ANKRD26: variants seen among roughly 807,000 people sequenced by gnomAD.
ANKRD26 encodes the protein ankyrin repeat domain-containing protein 26.
In ANKRD26, 141 loss-of-function variants were observed where a neutral mutation model predicts 208.7. That is an observed-to-expected ratio of 0.68 (90% CI 0.59 to 0.78). The LOEUF (loss-of-function observed/expected upper bound fraction) is 0.78. ANKRD26 is among the 30% of genes least tolerant of loss of function. The pLI is 0.00. For missense variants in ANKRD26, 1,889 were observed against 1,938.7 expected (o/e 0.97, Z 0.48); for synonymous variants, 636 against 660.4 (o/e 0.96, Z 0.57).
intron 16 of ANKRD26, among the ~76,000 whole-genome samples, chr10:27,050,219 C>CAA (rs67384671): frequency 0.015 from 492 of 32,984 alleles, 45 homozygotes; most frequent in East Asian, 0.018. Context: ...GAATCTGTCT[C>CAA]AAAAAAAAAA....
the ANKRD26 span, among the ~76,000 whole-genome samples, chr10:26,962,359 G>A: frequency 6.6e-6 from 1 of 152,158 alleles, no homozygotes; most frequent in Non-Finnish European, 1.5e-5. Context: ...CAGATCACCT[G>A]AGGTCAGGAG....
At chr10:26,984,208 T>C (rs2052350841) in intron 3 of ANKRD26, among the ~76,000 whole-genome samples, 1 of 152,198 alleles carries the variant, frequency 6.6e-6, no homozygotes. Flanking sequence ...CCTAGGATAA[T>C]CATCATAATG....
chr10:27,080,849 T>TG, intron 6 of ANKRD26: 4 of 985,336 alleles, frequency 4.1e-6, no homozygotes, highest in Non-Finnish European at 4.8e-6. Flanking sequence ...CTCCATGATT[T>TG]GGGTTGCTCC....
the ANKRD26 span, among the ~76,000 whole-genome samples, chr10:26,967,527 C>T: frequency 9.5e-6 from 1 of 104,730 alleles, no homozygotes; most frequent in Admixed American, 9.1e-5. Context: ...TCTGATGACA[C>T]TCAATTATCT....
Position 27,022,648 on chromosome 10 carries a change from A to AT in ANKRD26, c.4124dup (p.Asn1375LysfsTer2). On this transcript the variant is annotated frameshift_variant, in exon 29 of 34. Transcript: ENST00000376087. LOFTEE classifies it high-confidence loss of function. ...AACTAAATTCTCCATTTTCATATTC[A>AT]TTTAACTTCTTTCTTGTCATTTTTA... 4 of 1,583,216 alleles carry AT rather than the reference A, an allele frequency of 2.5e-6. No individual in the cohort carries two copies. The highest frequency in any genetic ancestry group is 3.5e-6 in the Non-Finnish European group (4 of 1,156,836).
chr10:27,058,970 A>G (rs986230829), intron 15 of ANKRD26, among the ~76,000 whole-genome samples: 1 of 149,180 alleles, frequency 6.7e-6, no homozygotes, highest in Non-Finnish European at 1.5e-5. Context: ...ACTGGAGTGC[A>G]GTGGTGCAAT....
In ANKRD26 at chr10:27,086,131, C is replaced by G. The variant is rs550110344; in HGVS notation, c.709+408G>C. Among the ~76,000 whole-genome samples, 17 of 152,076 alleles carry G rather than the reference C, an allele frequency of 1.1e-4. No individual in the cohort carries two copies. In the East Asian group the frequency reaches 2.9e-3, roughly 26 times the overall value. On this transcript the variant is annotated intron_variant, in intron 5 of 33. Transcript: ENST00000376087. ...AATATGCACGTTGCTCAAGGGACAA[C>G]TGTAATTAATATTCATTTAATAAAC...
At chr10:27,052,141 T>C (rs2054684443) in intron 16 of ANKRD26, 2 of 982,738 alleles carry the variant, frequency 2.0e-6, no homozygotes, top group Non-Finnish European at 2.4e-6. Flanking sequence ...AAAATAACTT[T>C]ATCCTTGAGT....
At chr10:27,019,019 C>T (rs772944503) in intron 29 of ANKRD26, among the ~76,000 whole-genome samples, 2 of 152,060 alleles carry the variant, frequency 1.3e-5, no homozygotes, top group Non-Finnish European at 2.9e-5. Flanking sequence ...GCTCACTGAG[C>T]CTGTAAATCC....
chr10:27,099,961 C>T lies in ANKRD26; in HGVS notation c.242+124G>A, dbSNP rs2056593673. The T allele has an allele frequency of 6.7e-6, 10 of 1,498,054 alleles. 1 individual carries two copies. In the South Asian group the frequency reaches 6.8e-5, roughly 10 times the overall value. The allele number at this position is 1,498,054 out of a possible 1,614,324, so 92.8% of individuals were successfully genotyped here. Reference sequence around the variant, plus strand: ...GCGCTGGAGCCCTGCAAGGTGTCACCGTCCCAGGGGCTACGGAGCCCGCGG... The same window carrying T: ...GCGCTGGAGCCCTGCAAGGTGTCACTGTCCCAGGGGCTACGGAGCCCGCGG... On this transcript the variant is annotated intron_variant, in intron 1 of 33. Coordinates refer to ENST00000376087, the MANE Select transcript of ANKRD26 (RefSeq NM_014915.3).
chr10:27,078,169 A>T (rs9651377), intron 7 of ANKRD26, among the ~76,000 whole-genome samples: 18,164 of 152,172 alleles, frequency 0.12, 1,350 homozygotes, highest in African/African-American at 0.22. Flanking sequence ...TGGCACTGCA[A>T]ATAGTATAGG....
intron 20 of ANKRD26, 109 bp from the exon 21 acceptor site, chr10:27,040,287 C>T (rs978928618): frequency 5.0e-6 from 4 of 795,816 alleles, no homozygotes; most frequent in African/African-American, 3.5e-5. Flanking sequence ...ATATTGAGGG[C>T]CTACAATGTG....
At chr10:27,066,451 A>G (rs757046801) in intron 11 of ANKRD26, 36 bp downstream of exon 11, 11 of 1,489,578 alleles carry the variant, frequency 7.4e-6, no homozygotes, top group African/African-American at 2.8e-5. Context: ...CTCAATGCTT[A>G]TATTTTAAAA....
In ANKRD26 at chr10:27,004,905, T is replaced by C. The variant is rs879880999; in HGVS notation, c.*685A>G. On this transcript the variant is annotated 3_prime_UTR_variant, in exon 34 of 34. Transcript: ENST00000376087. ...CTTTCTGATTGCAAGGTTTGCACTG[T>C]AGTTATGTAGAATGTCCTGACTTGT... 7.1e-5 allele frequency: 25 copies of C among 349,672 alleles called. No individual in the cohort carries two copies. Among genetic ancestry groups the C allele is most frequent in the Non-Finnish European group, 8.8e-5 (22 of 249,084 alleles). The allele number at this position is 349,672 out of a possible 1,614,324, so 21.7% of individuals were successfully genotyped here.
At chr10:27,071,326 C>T (rs1407788964) in intron 9 of ANKRD26, among the ~76,000 whole-genome samples, 7 of 150,986 alleles carry the variant, frequency 4.6e-5, no homozygotes, top group Non-Finnish European at 8.9e-5. Flanking sequence ...CCACCAAGCC[C>T]GGCTAATTTT....
At chr10:27,065,743 A>C (rs2055216583) in intron 11 of ANKRD26, among the ~76,000 whole-genome samples, 1 of 150,054 alleles carries the variant, frequency 6.7e-6, no homozygotes, top group South Asian at 2.1e-4. Flanking sequence ...AAAAAAAAAA[A>C]ACAAAAAAAA....
At chr10:27,033,524 T>C (rs1473229466) in intron 24 of ANKRD26, 147 bp from the exon 25 acceptor site, 2 of 792,990 alleles carry the variant, frequency 2.5e-6, no homozygotes, top group African/African-American at 1.7e-5. Context: ...TGTCCTCATA[T>C]GTACACATTG....
downstream of ANKRD26, among the ~76,000 whole-genome samples, chr10:26,989,070 G>A (rs981681766): frequency 2.0e-5 from 3 of 152,190 alleles, no homozygotes; most frequent in East Asian, 1.9e-4. Context: ...CTTTCTGAGA[G>A]GGTATTAATA....
chr10:27,060,304 C>G, intron 15 of ANKRD26, 41 bp downstream of exon 15: 9 of 1,459,114 alleles, frequency 6.2e-6, no homozygotes, highest in African/African-American at 1.4e-5. Context: ...AAAATTTTAA[C>G]GTACTTCCTT....
Sources: gnomAD v4.1 joint callset for allele counts (sites outside exome capture counted in the v4.1 genomes callset) on GRCh38, gnomAD v4.1.1 for gene constraint, MANE v1.5 for transcripts, NCBI Gene and HGNC (gene_info 2026-07-23, HGNC 2026-07-21) for gene names.